Variants in FHOD3 observed in about 807,000 individuals in gnomAD.
FHOD3 encodes the protein formin homology 2 domain containing 3.
A neutral mutation model predicts 173.0 loss-of-function variants in FHOD3; 90 were observed. The observed-to-expected ratio is 0.52, with a 90% CI of 0.44 to 0.62. The LOEUF (loss-of-function observed/expected upper bound fraction) is 0.62, where lower values mean the gene tolerates loss of function less well. Ranked by LOEUF, FHOD3 falls within the 20% of genes least tolerant of loss-of-function variation. The probability of loss-of-function intolerance (pLI) is 0.00; values close to 1 mark genes in which losing one functional copy is unlikely to be tolerated. For synonymous variants in FHOD3, 828 were observed against 823.0 expected, an observed-to-expected ratio of 1.01 and a Z score of -0.10; for missense variants, 1,945 against 2,034.7, an observed-to-expected ratio of 0.96 and a Z score of 0.85.
intron 8 of FHOD3, among the ~76,000 whole-genome samples, chr18:36,604,413 T>C (rs1423932211): frequency 6.6e-6 from 1 of 152,214 alleles, no homozygotes; most frequent in Non-Finnish European, 1.5e-5. Context: ...ACTCTGAGGA[T>C]TACAACAATG....
At chr18:36,699,598 C>G in intron 17 of FHOD3, among the ~76,000 whole-genome samples, 1 of 152,204 alleles carries the variant, frequency 6.6e-6, no homozygotes, top group East Asian at 1.9e-4. Context: ...CATCCTTGTC[C>G]ATGCTCAAGA....
At chr18:36,663,942 C>T (rs2036981144) in intron 14 of FHOD3, among the ~76,000 whole-genome samples, 1 of 152,162 alleles carries the variant, frequency 6.6e-6, no homozygotes, top group African/African-American at 2.4e-5. Context: ...ATTTCCTTCC[C>T]TGACCTCACT....
At chr18:36,519,955 A>ATTTT (rs11449846) in intron 5 of FHOD3, among the ~76,000 whole-genome samples, 13,441 of 131,898 alleles carry the variant, frequency 0.1, 943 homozygotes, top group East Asian at 0.33. Flanking sequence ...CTTTTCTTTC[A>ATTTT]TTTTTTTTTT....
intron 3 of FHOD3, among the ~76,000 whole-genome samples, chr18:36,413,073 G>A (rs988408535): frequency 9.9e-5 from 15 of 152,246 alleles, no homozygotes; most frequent in Admixed American, 4.6e-4. Flanking sequence ...CAGAAACACA[G>A]TTGTGTCATT....
intron 3 of FHOD3, among the ~76,000 whole-genome samples, chr18:36,437,079 T>C (rs1568269958): frequency 6.6e-6 from 1 of 151,742 alleles, no homozygotes; most frequent in Non-Finnish European, 1.5e-5. Flanking sequence ...GTATATGATG[T>C]TTTTTCTCAT....
intron 1 of FHOD3, among the ~76,000 whole-genome samples, chr18:36,301,203 C>T (rs1226052913): frequency 6.6e-6 from 1 of 152,194 alleles, no homozygotes; most frequent in African/African-American, 2.4e-5. Flanking sequence ...AGGGATTCTC[C>T]TGTGCTGGCA....
At position 36,341,669 on chromosome 18, in the gene FHOD3, C is replaced by T. The variant is rs72884293; in HGVS notation, c.166-13870C>T. Among the ~76,000 whole-genome samples the T allele has an allele frequency of 1.8e-3, 275 of 152,282 alleles. 1 individual carries two copies. Among genetic ancestry groups the T allele is most frequent in the Non-Finnish European group, 2.1e-3 (141 of 68,022 alleles). ...CATTCATTGGGACCCCTAAAGATTA[C>T]ACTATTGAAATAAGGGCTAACCACA... On this transcript the variant is annotated intron_variant, in intron 1 of 28. Transcript: ENST00000590592.
At chr18:36,679,997 T>A (rs2038129853) in intron 14 of FHOD3, among the ~76,000 whole-genome samples, 2 of 152,192 alleles carry the variant, frequency 1.3e-5, no homozygotes, top group African/African-American at 4.8e-5. Flanking sequence ...GTTGATTAGG[T>A]TTGGCTGGAT....
chr18:36,573,113 C>T (rs912534669), intron 5 of FHOD3, among the ~76,000 whole-genome samples: 1 of 150,758 alleles, frequency 6.6e-6, no homozygotes, highest in African/African-American at 2.4e-5. Flanking sequence ...AAAACAAAAG[C>T]ATGTAACACC....
chr18:36,564,182 C>T (rs1013232461), intron 5 of FHOD3, among the ~76,000 whole-genome samples: 5 of 152,144 alleles, frequency 3.3e-5, no homozygotes, highest in African/African-American at 7.2e-5. Context: ...GTTCATTCCA[C>T]CTGTGGCTGT....
At chr18:36,535,484 G>C (rs183910878) in intron 5 of FHOD3, among the ~76,000 whole-genome samples, 109 of 152,248 alleles carry the variant, frequency 7.2e-4, no homozygotes, top group African/African-American at 2.6e-3. Flanking sequence ...TAAAAAGCTG[G>C]GCCACTGAGG....
chr18:36,455,313 A>T (rs1200807593), intron 3 of FHOD3, among the ~76,000 whole-genome samples: 1 of 152,218 alleles, frequency 6.6e-6, no homozygotes, highest in Non-Finnish European at 1.5e-5. Flanking sequence ...TCCTAGCAAC[A>T]GTCTGTTGTC....
chr18:36,485,514 G>A (rs1347133359), intron 3 of FHOD3, among the ~76,000 whole-genome samples: 3 of 152,212 alleles, frequency 2.0e-5, no homozygotes, highest in Non-Finnish European at 2.9e-5. Context: ...TGAAAGTCCA[G>A]GGGCTGCCCC....
intron 10 of FHOD3, among the ~76,000 whole-genome samples, chr18:36,626,642 C>G (rs2034131777): frequency 6.6e-6 from 1 of 152,164 alleles, no homozygotes. Flanking sequence ...CATCCTGCTG[C>G]TGATAGTCTG....
intron 18 of FHOD3, chr18:36,711,037 C>T (rs1317933311): frequency 3.3e-5 from 5 of 152,190 alleles, no homozygotes; most frequent in Admixed American, 1.3e-4. Context: ...AAGTGGAAAC[C>T]GTTCCCAGTG....
intron 1 of FHOD3, among the ~76,000 whole-genome samples, chr18:36,309,502 G>A (rs1282604974): frequency 1.3e-5 from 2 of 152,318 alleles, no homozygotes; most frequent in East Asian, 1.9e-4. Flanking sequence ...CACCTTGGAG[G>A]GATCTGTTAC....
chr18:36,523,230 GC>G (rs1160631842), intron 5 of FHOD3, among the ~76,000 whole-genome samples: 3 of 152,186 alleles, frequency 2.0e-5, no homozygotes, highest in Non-Finnish European at 4.4e-5. Context: ...AGTCTGCAAG[GC>G]TTAAGTGAGG....
chr18:36,309,067 A>C (rs2144625856), intron 1 of FHOD3, among the ~76,000 whole-genome samples: 1 of 152,026 alleles, frequency 6.6e-6, no homozygotes, highest in African/African-American at 2.4e-5. Flanking sequence ...AAGAGAAGGC[A>C]TGCTGTCCTG....
chr18:36,549,532 C>CTTTTTTTTTTTTT (rs386387404), intron 5 of FHOD3, among the ~76,000 whole-genome samples: 1 of 71,218 alleles, frequency 1.4e-5, no homozygotes, highest in African/African-American at 5.7e-5. Context: ...TCTAAGAAAT[C>CTTTTTTTTTTTTT]TTTTTTTTTT....
Sources: gnomAD v4.1 joint callset for allele counts (sites outside exome capture counted in the v4.1 genomes callset) on GRCh38, gnomAD v4.1.1 for gene constraint, MANE v1.5 for transcripts, NCBI Gene and HGNC (gene_info 2026-07-23, HGNC 2026-07-21) for gene names.